The following DEUP1 variants were observed in gnomAD, a reference collection of about 807,000 sequenced individuals.
The protein encoded by DEUP1 is coiled-coil domain containing 67.
DEUP1 carries 82 observed loss-of-function variants against 87.4 expected under a neutral mutation model. The observed-to-expected ratio is 0.94, with a 90% confidence interval of 0.78 to 1.13. The LOEUF is 1.13. DEUP1 is among the 50% of genes most tolerant of loss of function. The pLI, the probability that DEUP1 is intolerant of heterozygous loss-of-function variation, is 0.00. For missense variants in DEUP1, 663 were observed against 681.5 expected (o/e 0.97, Z 0.30); for synonymous variants, 214 against 222.7 (o/e 0.96, Z 0.35).
chr11:93,389,982 T>C (rs989315370), intron 9 of DEUP1, among the ~76,000 whole-genome samples: 1 of 152,190 alleles, frequency 6.6e-6, no homozygotes, highest in Non-Finnish European at 1.5e-5. Context: ...CTTGTGGTTC[T>C]TTACTCTCCT....
intron 5 of DEUP1, 105 bp from the exon 6 acceptor site, chr11:93,369,967 CT>C (rs1212544692): frequency 3.0e-5 from 15 of 498,336 alleles, no homozygotes; most frequent in Non-Finnish European, 4.7e-5. Flanking sequence ...AATGGATTTA[CT>C]TTTTTTTTCT....
At position 93,369,844 on chromosome 11, in the gene DEUP1, TGGCGTGAACCCCAGGG is replaced by T. The variant is rs1945620695; in HGVS notation, c.433-224_433-209del. ...TTCTCGGGAGGCTGAGGCAGGAGAA[TGGCGTGAACCCCAGGG>T]GGCGGAGCCTGCAGTGAGCCGAGAT... is the stretch of plus-strand genomic sequence containing the variant. On this transcript the variant is annotated intron_variant, in intron 5 of 13. Transcript: ENST00000298050. Among the ~76,000 whole-genome samples the T allele has an allele frequency of 5.2e-5, 2 of 38,246 alleles. 1 individual carries two copies. The highest frequency in any genetic ancestry group is 9.0e-5 in the Non-Finnish European group (2 of 22,104). The allele number at this position is 38,246 out of a possible 152,430, so 25.1% of individuals were successfully genotyped here.
chr11:93,343,196 G>T (rs983777079), intron 2 of DEUP1, among the ~76,000 whole-genome samples: 3 of 152,178 alleles, frequency 2.0e-5, no homozygotes, highest in Non-Finnish European at 4.4e-5. Flanking sequence ...ACGTTGTCTA[G>T]ATTAGAAAAC....
chr11:93,376,047 T>A (rs1224677757), intron 7 of DEUP1, among the ~76,000 whole-genome samples: 1 of 152,174 alleles, frequency 6.6e-6, no homozygotes, highest in Non-Finnish European at 1.5e-5. Context: ...CCTCCCTGGT[T>A]CAAGCAATTC....
chr11:93,413,711 T>C (rs1332292857), intron 12 of DEUP1, among the ~76,000 whole-genome samples: 1 of 152,208 alleles, frequency 6.6e-6, no homozygotes, highest in African/African-American at 2.4e-5. Flanking sequence ...AAAATCTCAA[T>C]GTTATTGTTT....
intron 7 of DEUP1, among the ~76,000 whole-genome samples, chr11:93,372,930 G>A (rs919909479): frequency 1.3e-5 from 2 of 152,180 alleles, no homozygotes; most frequent in South Asian, 2.1e-4. Context: ...GCCCACCTCC[G>A]ACTGTCTGAG....
intron 5 of DEUP1, among the ~76,000 whole-genome samples, chr11:93,365,747 G>A (rs1945383247): frequency 6.6e-6 from 1 of 152,192 alleles, no homozygotes; most frequent in Admixed American, 6.5e-5. Context: ...AAGACTCTAT[G>A]CAGATATACA....
intron 13 of DEUP1, among the ~76,000 whole-genome samples, chr11:93,428,407 G>A (rs544354145): frequency 6.1e-5 from 9 of 147,336 alleles, no homozygotes; most frequent in African/African-American, 2.2e-4. Context: ...AGAATACATG[G>A]ACACAGGAAA....
chr11:93,415,760 T>C (rs1193605140), intron 13 of DEUP1, among the ~76,000 whole-genome samples: 3 of 152,088 alleles, frequency 2.0e-5, no homozygotes, highest in Non-Finnish European at 4.4e-5. Flanking sequence ...GGCTTCTTTT[T>C]CTCAACCTTG....
chr11:93,387,016 T>C (rs2134330218), intron 8 of DEUP1, among the ~76,000 whole-genome samples: 1 of 152,230 alleles, frequency 6.6e-6, no homozygotes, highest in South Asian at 2.1e-4. Flanking sequence ...TTGCACTTAT[T>C]TATATATTTG....
intron 7 of DEUP1, among the ~76,000 whole-genome samples, chr11:93,374,185 C>T (rs1945915465): frequency 6.6e-6 from 1 of 151,992 alleles, no homozygotes; most frequent in Non-Finnish European, 1.5e-5. Context: ...GGATATTAGT[C>T]CTTTGTCAGA....
In DEUP1 at chr11:93,413,627, T is replaced by C. The variant is rs528665676; in HGVS notation, c.1524-1373T>C. On this transcript the variant is annotated intron_variant, in intron 12 of 13. Transcript: ENST00000298050. Reference sequence around the variant, plus strand: ...AACAGCCCATACTTTTAGGACCTTTTTTGTAAAACTTTAGGATAAATTGGT... The same window carrying C: ...AACAGCCCATACTTTTAGGACCTTTCTTGTAAAACTTTAGGATAAATTGGT... Among the ~76,000 whole-genome samples the C allele has an allele frequency of 1.3e-4, 20 of 152,324 alleles. No individual in the cohort carries two copies. In the South Asian group the frequency reaches 3.9e-3, roughly 30 times the overall value.
intron 11 of DEUP1, among the ~76,000 whole-genome samples, 162 bp from the exon 12 acceptor site, chr11:93,408,069 G>A (rs538256069): frequency 5.3e-4 from 80 of 151,996 alleles, no homozygotes; most frequent in Non-Finnish European, 7.8e-4. Flanking sequence ...GTTGTGAGGA[G>A]GTGAGGGGGT....
upstream of DEUP1, chr11:93,330,344 T>C (rs1348878167): frequency 1.3e-5 from 2 of 152,432 alleles, no homozygotes; most frequent in African/African-American, 4.8e-5. Flanking sequence ...ATTCAACAAG[T>C]ATTTCCGGGC....
At chr11:93,437,416 C>T in intron 13 of DEUP1, 127 bp from the exon 14 acceptor site, 1 of 672,604 alleles carries the variant, frequency 1.5e-6, no homozygotes, top group African/African-American at 1.8e-5. Flanking sequence ...GAATTCAGCC[C>T]AGGATGTATT....
At chr11:93,435,543 G>A (rs552859674) in intron 13 of DEUP1, among the ~76,000 whole-genome samples, 9 of 152,262 alleles carry the variant, frequency 5.9e-5, no homozygotes, top group South Asian at 2.1e-4. Flanking sequence ...CAGCTTTCCC[G>A]ATGAAACTTG....
intron 12 of DEUP1, among the ~76,000 whole-genome samples, chr11:93,411,475 T>C (rs973413162): frequency 6.6e-6 from 1 of 152,130 alleles, no homozygotes; most frequent in Admixed American, 6.5e-5. Context: ...CTCGGTTTTG[T>C]TGTTTTTAAT....
chr11:93,349,475 G>A (rs1565297635), intron 2 of DEUP1, among the ~76,000 whole-genome samples: 1 of 152,028 alleles, frequency 6.6e-6, no homozygotes, highest in Non-Finnish European at 1.5e-5. Flanking sequence ...TTAAATAAAA[G>A]TATATGGCAC....
At chr11:93,433,386 G>C (rs1948157085) in intron 13 of DEUP1, among the ~76,000 whole-genome samples, 1 of 152,164 alleles carries the variant, frequency 6.6e-6, no homozygotes, top group Non-Finnish European at 1.5e-5. Flanking sequence ...GGGTGTGGTG[G>C]TGTGTGCCTA....
Sources: gnomAD v4.1 joint callset for allele counts (sites outside exome capture counted in the v4.1 genomes callset) on GRCh38, gnomAD v4.1.1 for gene constraint, MANE v1.5 for transcripts, NCBI Gene and HGNC (gene_info 2026-07-23, HGNC 2026-07-21) for gene names.